The following KIR2DL1 variants were observed in gnomAD, a reference collection of about 807,000 sequenced individuals.
The protein encoded by KIR2DL1 is killer cell immunoglobulin-like receptor 2DL1.
In KIR2DL1, 38 loss-of-function variants were observed where a neutral mutation model predicts 33.9. That is an observed-to-expected ratio of 1.12 (90% CI 0.86 to 1.47). The LOEUF (loss-of-function observed/expected upper bound fraction) is 1.47, where lower values mean the gene tolerates loss of function less well. Ranked by LOEUF, KIR2DL1 falls within the 40% of genes most tolerant of loss-of-function variation. KIR2DL1 has a pLI of 0.00. For missense variants in KIR2DL1, 531 were observed against 433.9 expected (o/e 1.22, Z -1.99); for synonymous variants, 179 against 165.9 (o/e 1.08, Z -0.61).
chr19:54,780,651 G>T (rs1261242826), intron 5 of KIR2DL1, among the ~76,000 whole-genome samples: 2,939 of 135,004 alleles, frequency 0.022, 11 homozygotes, highest in African/African-American at 0.051. Context: ...CCCCACTGGT[G>T]AAATGTGGTG....
chr19:54,772,294 G>A (rs1184824659), intron 2 of KIR2DL1, among the ~76,000 whole-genome samples: 1 of 147,472 alleles, frequency 6.8e-6, no homozygotes, highest in African/African-American at 2.5e-5. Flanking sequence ...TGAAGGTGGA[G>A]GAAGTCCAGG....
In KIR2DL1 at chr19:54,784,184, G is replaced by A. The variant is rs200544316; in HGVS notation, c.*371G>A. 33 of 413,262 alleles carry A rather than the reference G, an allele frequency of 8.0e-5. No individual in the cohort carries two copies. In the South Asian group the frequency reaches 8.3e-4, roughly 10 times the overall value. The allele number at this position is 413,262 out of a possible 1,614,324, so 25.6% of individuals were successfully genotyped here. A position where few individuals can be genotyped will look rare whatever the true frequency, so the allele number is the denominator to read the frequency against. The stretch of plus-strand genomic sequence containing the variant: ...CCCTCTTAACGCAGCACTTAGACAC[G>A]TGTTGTTCCACCTTCCCTCATGCTG... On this transcript the variant is annotated 3_prime_UTR_variant, in exon 8 of 8. Coordinates refer to ENST00000336077, the MANE Select transcript of KIR2DL1 (RefSeq NM_014218.3).
At chr19:54,777,074 C>A (rs1461474505) in intron 4 of KIR2DL1, among the ~76,000 whole-genome samples, 1 of 151,708 alleles carries the variant, frequency 6.6e-6, no homozygotes, top group Admixed American at 6.6e-5. Flanking sequence ...TGTCTTGCAG[C>A]TAAAAGCCAT....
chr19:54,780,325 G>A (rs141688841), intron 5 of KIR2DL1, among the ~76,000 whole-genome samples: 1,383 of 120,178 alleles, frequency 0.012, 155 homozygotes, highest in Middle Eastern at 0.027. Flanking sequence ...AAAGATTGGC[G>A]GAAGGATTTT....
Position 54,770,829 on chromosome 19 carries a change from A to G in KIR2DL1, c.35-20A>G. On this transcript the variant is annotated intron_variant, in intron 1 of 7. Coordinates refer to ENST00000336077, the MANE Select transcript of KIR2DL1 (RefSeq NM_014218.3). ...TGGTTTGCCTGCAGATGGGTCATCC[A>G]TCATGATCTTTCTTTCCAGGGTTCT... 4 of 1,584,000 alleles carry G rather than the reference A, an allele frequency of 2.5e-6. 1 individual carries two copies. The highest frequency in any genetic ancestry group is 2.7e-5 in the African/African-American group (2 of 74,074).
chr19:54,778,801 C>T, intron 5 of KIR2DL1, 139 bp downstream of exon 5: 6 of 1,133,848 alleles, frequency 5.3e-6, no homozygotes, highest in South Asian at 1.3e-5. Context: ...GATACTCCTA[C>T]AGCGAAAGGG....
At chr19:54,781,158 C>A (rs1343371783) in intron 5 of KIR2DL1, among the ~76,000 whole-genome samples, 1 of 96,760 alleles carries the variant, frequency 1.0e-5, no homozygotes, top group African/African-American at 4.1e-5. Context: ...GCCTGGGGGA[C>A]ACAAGGAGAC....
Position 54,782,956 on chromosome 19 carries a change from C to A in KIR2DL1, c.750C>A (p.Thr250=), listed in dbSNP as rs775311550. The A allele has an allele frequency of 1.9e-6, 3 of 1,613,662 alleles. No individual in the cohort carries two copies. The African/African-American group carries it at 4.0e-5, about 22-fold the overall frequency. Residue 250 remains threonine, a synonymous_variant, in exon 6 of 8, where the codon ACC becomes ACA. Transcript: ENST00000336077. ...NPRHLHILIG[T]SVVIILFILL... ...GACACCTGCACATTCTGATTGGGAC[C>A]TCAGTGGTCATCATCCTCTTCATCC...
intron 5 of KIR2DL1, among the ~76,000 whole-genome samples, chr19:54,781,047 C>G (rs1217936856): frequency 1.1e-5 from 1 of 90,700 alleles, no homozygotes; most frequent in Non-Finnish European, 2.2e-5. Context: ...GATGGTGCAT[C>G]CCTGTAATCC....
chr19:54,776,421 T>A (rs1236543656), intron 4 of KIR2DL1, among the ~76,000 whole-genome samples: 1 of 146,050 alleles, frequency 6.8e-6, no homozygotes, highest in Non-Finnish European at 1.5e-5. Context: ...AGGATGTTAT[T>A]CTTTCTATGG....
intron 3 of KIR2DL1, 104 bp from the exon 4 acceptor site, chr19:54,775,061 A>G: frequency 1.5e-6 from 2 of 1,359,718 alleles, no homozygotes. Context: ...AGAGAGAGAG[A>G]GAGAGCATTA....
At chr19:54,775,832 C>T (rs2076264980) in intron 4 of KIR2DL1, among the ~76,000 whole-genome samples, 1 of 149,046 alleles carries the variant, frequency 6.7e-6, no homozygotes, top group Non-Finnish European at 1.5e-5. Flanking sequence ...AACCCCTACA[C>T]CCTTTACTTT....
At position 54,773,313 on chromosome 19, in the gene KIR2DL1, C is replaced by G. The variant is rs78039381; in HGVS notation, c.71-20C>G. 8.5e-5 allele frequency: 132 copies of G among 1,553,550 alleles called. 1 individual carries two copies. The highest frequency in any genetic ancestry group is 1.6e-4 in the East Asian group (7 of 43,906). ...ATGATAAAGAGAGACACCTTCTAAA[C>G]TCACAACCTCTCTTCCTAGGAGTCC... On this transcript the variant is annotated intron_variant, in intron 2 of 7. Coordinates refer to ENST00000336077, the MANE Select transcript of KIR2DL1 (RefSeq NM_014218.3).
intron 5 of KIR2DL1, among the ~76,000 whole-genome samples, chr19:54,782,124 G>T (rs890424063): frequency 4.6e-5 from 7 of 151,976 alleles, no homozygotes; most frequent in Non-Finnish European, 8.8e-5. Flanking sequence ...CACCCCATTT[G>T]CAGTGTAGCT....
At chr19:54,781,846 G>A (rs2076992328) in intron 5 of KIR2DL1, among the ~76,000 whole-genome samples, 1 of 152,086 alleles carries the variant, frequency 6.6e-6, no homozygotes, top group Non-Finnish European at 1.5e-5. Flanking sequence ...CAAGAATGCT[G>A]TGGATGTAGA....
chr19:54,775,657 G>A (rs1296246569), intron 4 of KIR2DL1, among the ~76,000 whole-genome samples, 199 bp downstream of exon 4: 2 of 148,634 alleles, frequency 1.3e-5, no homozygotes, highest in Non-Finnish European at 3.0e-5. Context: ...CCCACGGCCA[G>A]GGCTCCAGGC....
chr19:54,776,237 T>TTATATA (rs58651549), intron 4 of KIR2DL1, among the ~76,000 whole-genome samples: 4 of 141,234 alleles, frequency 2.8e-5, no homozygotes, highest in African/African-American at 1.1e-4. Context: ...AAATACATTT[T>TTATATA]TATATATATA....
chr19:54,779,566 A>T (rs2147577263), intron 5 of KIR2DL1, among the ~76,000 whole-genome samples: 1 of 146,702 alleles, frequency 6.8e-6, no homozygotes, highest in East Asian at 2.0e-4. Flanking sequence ...GGGTTCACCA[A>T]GATGAAAATC....
At position 54,784,016 on chromosome 19, in the gene KIR2DL1, A is replaced by C. The variant is rs1159296576; in HGVS notation, c.*203A>C. The C allele has an allele frequency of 2.4e-6, 2 of 834,724 alleles. No individual in the cohort carries two copies. Among genetic ancestry groups the C allele is most frequent in the Admixed American group, 2.6e-5 (1 of 38,674 alleles). The allele number at this position is 834,724 out of a possible 1,614,324, so 51.7% of individuals were successfully genotyped here. A position where few individuals can be genotyped will look rare whatever the true frequency, so the allele number is the denominator to read the frequency against. On this transcript the variant is annotated 3_prime_UTR_variant, in exon 8 of 8. Coordinates refer to ENST00000336077, the MANE Select transcript of KIR2DL1 (RefSeq NM_014218.3). ...TAAGGTCCCCACTGCCTGCTGGAGA[A>C]AAAACACACTCCTTTGCTTAACCCA... is the stretch of plus-strand genomic sequence containing the variant.
Sources: allele counts gnomAD v4.1 joint callset (sites outside exome capture counted in the v4.1 genomes callset), GRCh38; gene constraint gnomAD v4.1.1; transcripts MANE v1.5; gene names NCBI Gene and HGNC (gene_info 2026-07-23, HGNC 2026-07-21).